CSNK1G2: variants seen among roughly 807,000 people sequenced by gnomAD.
The protein encoded by CSNK1G2 is casein kinase I isoform gamma-2.
CSNK1G2 carries 11 observed loss-of-function variants against 48.0 expected under a neutral mutation model. The ratio of observed to expected loss-of-function variants is 0.23; its 90% CI spans 0.14 to 0.38. CSNK1G2 has a LOEUF of 0.38. CSNK1G2 is among the 10% of genes least tolerant of loss of function. The pLI is 1.00. For synonymous variants in CSNK1G2, 337 were observed against 254.1 expected, an observed-to-expected ratio of 1.33 and a Z score of -3.10; for missense variants, 446 against 595.5, an observed-to-expected ratio of 0.75 and a Z score of 2.61.
In CSNK1G2 at chr19:1,978,201, G is replaced by T; in HGVS notation, c.188-104G>T. The T allele has an allele frequency of 4.3e-6, 5 of 1,160,128 alleles. No homozygotes were observed. The South Asian group carries it at 5.0e-5, about 12-fold the overall frequency. The allele number at this position is 1,160,128 out of a possible 1,614,324, so 71.9% of individuals were successfully genotyped here. A position where few individuals can be genotyped will look rare whatever the true frequency, so the allele number is the denominator to read the frequency against. On this transcript the variant is annotated intron_variant, in intron 2 of 11. Coordinates refer to ENST00000255641, the MANE Select transcript of CSNK1G2 (RefSeq NM_001319.7). The surrounding 1 kb of genome is among the most constrained non-coding windows in gnomAD (Gnocchi z 7.3). ...GGGCAGTGGTGTCATTTGGAGGGTG[G>T]TCCTTCAGGGACCCCCTCCTGCCTC...
intron 1 of CSNK1G2, among the ~76,000 whole-genome samples, chr19:1,961,287 G>A (rs954396307): frequency 4.6e-5 from 7 of 152,226 alleles, no homozygotes; most frequent in African/African-American, 1.2e-4. Context: ...GAACCTGGCC[G>A]TGGCGGGTGG....
intron 1 of CSNK1G2, among the ~76,000 whole-genome samples, chr19:1,964,223 G>T (rs1303528862): frequency 6.6e-6 from 1 of 151,756 alleles, no homozygotes; most frequent in African/African-American, 2.4e-5. Context: ...GGCCCAGGAG[G>T]TCGAGGCTGC....
intron 2 of CSNK1G2, among the ~76,000 whole-genome samples, chr19:1,972,551 T>C (rs1323879617): frequency 6.6e-6 from 1 of 152,250 alleles, no homozygotes; most frequent in Non-Finnish European, 1.5e-5. Flanking sequence ...TTGGTACTTT[T>C]TCAAATTAAC....
Position 1,957,367 on chromosome 19 carries a change from G to A in CSNK1G2, c.-265-12141G>A, listed in dbSNP as rs2015033985. On this transcript the variant is annotated intron_variant, in intron 1 of 11. Coordinates refer to ENST00000255641, the MANE Select transcript of CSNK1G2 (RefSeq NM_001319.7). The surrounding 1 kb of genome is among the most constrained non-coding windows in gnomAD (Gnocchi z 5.4). The stretch of plus-strand genomic sequence containing the variant: ...ACCACAGACGAAAGTGGAGCCGGGG[G>A]AGAGATGTCCCGGGATGCACCAGGC... 6.6e-6 allele frequency among the ~76,000 whole-genome samples: 1 copy of A among 152,240 alleles called. No individual in the cohort carries two copies. Among genetic ancestry groups the A allele is most frequent in the South Asian group, 2.1e-4 (1 of 4,836 alleles).
At position 1,978,155 on chromosome 19, in the gene CSNK1G2, C is replaced by G; in HGVS notation, c.188-150C>G. 3.8e-6 allele frequency: 3 copies of G among 792,884 alleles called. No homozygotes were observed. The highest frequency in any genetic ancestry group is 1.6e-5 in the South Asian group (1 of 63,606). 49.1% of individuals were successfully genotyped at this position (792,884 alleles called of 1,614,324 possible). ...GGCCATGGTGCAGTGCTCTGGCAGG[C>G]TGGGCCCAGGCCCTGCTGCTGGGCA... On this transcript the variant is annotated intron_variant, in intron 2 of 11. Coordinates refer to ENST00000255641, the MANE Select transcript of CSNK1G2 (RefSeq NM_001319.7). The surrounding 1 kb of genome is among the most constrained non-coding windows in gnomAD (Gnocchi z 7.3).
Position 1,979,021 on chromosome 19 carries a change from A to G in CSNK1G2, c.610A>G (p.Ile204Val). The part of the protein sequence containing the change: ...EYIDPETKKH[I>V]PYREHKSLTG... The stretch of plus-strand genomic sequence containing the variant: ...CATCGACCCCGAGACCAAGAAGCAC[A>G]TCCCGTACCGCGAGCACAAGAGCCT... Residue 204 changes from isoleucine to valine, a missense_variant, in exon 6 of 12, where the codon ATC becomes GTC. By Grantham distance (29) the Ile-to-Val change is conservative (BLOSUM62 3). Transcript: ENST00000255641. 1.3e-6 allele frequency: 2 copies of G among 1,597,980 alleles called. No homozygotes were observed. Among genetic ancestry groups the G allele is most frequent in the Non-Finnish European group, 1.7e-6 (2 of 1,179,374 alleles).
At chr19:1,948,214 C>G (rs1599889) in intron 1 of CSNK1G2, among the ~76,000 whole-genome samples, 91,064 of 152,060 alleles carry the variant, frequency 0.6, 28,329 homozygotes, top group Non-Finnish European at 0.69. Context: ...GAGCCGGGCT[C>G]ACAGCGTTTC....
chr19:1,944,827 GCCTGGCT>G (rs2014496095), intron 1 of CSNK1G2, among the ~76,000 whole-genome samples: 1 of 152,218 alleles, frequency 6.6e-6, no homozygotes, highest in African/African-American at 2.4e-5. Flanking sequence ...GGTGGGGCCT[GCCTGGCT>G]CCTGGCAAGC....
intron 1 of CSNK1G2, chr19:1,954,120 C>A: frequency 2.5e-6 from 1 of 403,968 alleles, no homozygotes; most frequent in Non-Finnish European, 5.2e-6. Flanking sequence ...CTCTTTTGCA[C>A]CTGATGCGTT....
At chr19:1,966,579 C>A (rs557388437) in intron 1 of CSNK1G2, among the ~76,000 whole-genome samples, 8 of 152,248 alleles carry the variant, frequency 5.3e-5, no homozygotes, top group African/African-American at 1.4e-4. Context: ...GTTGATGAAG[C>A]CGCGGCCGGG....
Position 1,978,529 on chromosome 19 carries a change from G to T in CSNK1G2, c.298+18G>T, listed in dbSNP as rs1352098931. On this transcript the variant is annotated intron_variant, in intron 4 of 11. Coordinates refer to ENST00000255641, the MANE Select transcript of CSNK1G2 (RefSeq NM_001319.7). This position sits in a 1 kb window ranked among gnomAD's most constrained non-coding sequence, Gnocchi z 7.3. ...CGCCACAGGTACCGGGCGGCCCGCGGGTGGGGCGGGGGCTGCGCAGGGGCA... is the reference window on the plus strand; with the variant it reads ...CGCCACAGGTACCGGGCGGCCCGCGTGTGGGGCGGGGGCTGCGCAGGGGCA... The T allele has an allele frequency of 1.3e-6, 2 of 1,570,680 alleles. No individual in the cohort carries two copies. The highest frequency in any genetic ancestry group is 1.7e-6 in the Non-Finnish European group (2 of 1,159,090).
chr19:1,946,435 G>GTACA (rs2014565722), intron 1 of CSNK1G2, among the ~76,000 whole-genome samples: 2 of 149,682 alleles, frequency 1.3e-5, no homozygotes, highest in Non-Finnish European at 1.5e-5. Context: ...GGGACTACAG[G>GTACA]CGACCGCCAC....
chr19:1,948,136 G>A (rs879886447), intron 1 of CSNK1G2, among the ~76,000 whole-genome samples: 1 of 152,128 alleles, frequency 6.6e-6, no homozygotes, highest in Non-Finnish European at 1.5e-5. Flanking sequence ...TGCACCGGAG[G>A]GAGCCATTCT....
intron 1 of CSNK1G2, among the ~76,000 whole-genome samples, chr19:1,950,607 G>A (rs1045799204): frequency 2.0e-5 from 3 of 146,458 alleles, no homozygotes; most frequent in South Asian, 2.2e-4. Context: ...ACAGGAGGGG[G>A]TGCACTTAGA....
At chr19:1,975,895 G>A (rs1373683970) in intron 2 of CSNK1G2, 32 of 643,160 alleles carry the variant, frequency 5.0e-5, no homozygotes, top group Non-Finnish European at 5.8e-5. Flanking sequence ...AATTAGCCAG[G>A]TTGATGGTGC....
chr19:1,961,236 A>T (rs1190397920), intron 1 of CSNK1G2, among the ~76,000 whole-genome samples: 1 of 152,140 alleles, frequency 6.6e-6, no homozygotes. Context: ...CGTGGCTCTC[A>T]TGGCTGTGGA....
Position 1,978,780 on chromosome 19 carries a change from CGGAG to C in CSNK1G2, c.447+34_447+37del. On this transcript the variant is annotated intron_variant, in intron 5 of 11. Transcript: ENST00000255641. This position sits in a 1 kb window ranked among gnomAD's most constrained non-coding sequence, Gnocchi z 7.3. ...GCGGCGGGCGGGGCGGGGCGGGGCT[CGGAG>C]GGAAGAGGGTGGCCCTGGAGGGGAG... The C allele has an allele frequency of 1.3e-6, 2 of 1,498,638 alleles. No homozygotes were observed. The highest frequency in any genetic ancestry group is 1.8e-6 in the Non-Finnish European group (2 of 1,111,560). The allele number at this position is 1,498,638 out of a possible 1,614,324, so 92.8% of individuals were successfully genotyped here. A position where few individuals can be genotyped will look rare whatever the true frequency, so the allele number is the denominator to read the frequency against.
chr19:1,973,862 C>T (rs535557091), intron 2 of CSNK1G2, among the ~76,000 whole-genome samples: 2 of 152,198 alleles, frequency 1.3e-5, no homozygotes, highest in East Asian at 1.9e-4. Flanking sequence ...AACAGAATGC[C>T]ACAGACTGGG....
intron 2 of CSNK1G2, among the ~76,000 whole-genome samples, chr19:1,972,902 ATG>A (rs767396409): frequency 4.2e-5 from 6 of 141,830 alleles, no homozygotes; most frequent in South Asian, 2.3e-4. Context: ...GGGATTACAC[ATG>A]TGAGTTACCG....
Sources: gnomAD v4.1 joint callset for allele counts (sites outside exome capture counted in the v4.1 genomes callset) on GRCh38, gnomAD v4.1.1 for gene constraint, Gnocchi (gnomAD v3.1) non-coding constraint, MANE v1.5 for transcripts, NCBI Gene and HGNC (gene_info 2026-07-23, HGNC 2026-07-21) for gene names.